The following UGT1A5 variants were observed in gnomAD, a reference collection of about 807,000 sequenced individuals.
The protein encoded by UGT1A5 is UDP glucuronosyltransferase family 1 member A5.
UGT1A5 carries 29 observed loss-of-function variants against 40.3 expected under a neutral mutation model. That is an observed-to-expected ratio of 0.72 (90% CI 0.54 to 0.98). UGT1A5 has a LOEUF of 0.98. UGT1A5 is among the 50% of genes least tolerant of loss of function. The probability of loss-of-function intolerance (pLI) is 0.00; values close to 1 mark genes in which losing one functional copy is unlikely to be tolerated. For synonymous variants in UGT1A5, 257 were observed against 262.5 expected, an observed-to-expected ratio of 0.98 and a Z score of 0.20; for missense variants, 678 against 677.9, an observed-to-expected ratio of 1.00 and a Z score of 0.00.
intron 1 of UGT1A5, among the ~76,000 whole-genome samples, chr2:233,766,177 G>A (rs937937765): frequency 5.3e-5 from 8 of 152,156 alleles, no homozygotes; most frequent in African/African-American, 1.9e-4. Context: ...AGGATTTATT[G>A]AGTGGATGTA....
Position 233,719,112 on chromosome 2 carries a change from C to T in UGT1A5, c.867+5254C>T, listed in dbSNP as rs201323245. On this transcript the variant is annotated intron_variant, in intron 1 of 4. Transcript: ENST00000373414. ...TGATCGCGTTACGCTGGGCTACACT[C>T]AAGGGTTCTTTGAAACAGAACATCT... 6.5e-5 allele frequency: 105 copies of T among 1,614,240 alleles called. 2 individuals are homozygous for T. The East Asian group carries it at 1.8e-3, about 28-fold the overall frequency.
Position 233,712,908 on chromosome 2 carries a change from G to A in UGT1A5, c.-84G>A. ...ACATGTTGATTTGCTAGGTGTCTCA[G>A]TGACAAGGTAATTAAGACGAAGGAA... On this transcript the variant is annotated 5_prime_UTR_variant, in exon 1 of 5. It adds an upstream start codon to the 5' untranslated region. Transcript: ENST00000373414. The A allele has an allele frequency of 2.5e-6, 4 of 1,610,644 alleles. No homozygotes were observed. Among genetic ancestry groups the A allele is most frequent in the Non-Finnish European group, 3.4e-6 (4 of 1,179,332 alleles).
chr2:233,751,722 ACTCTTC>A (rs1694794722), intron 1 of UGT1A5, among the ~76,000 whole-genome samples: 1 of 150,748 alleles, frequency 6.6e-6, no homozygotes, highest in African/African-American at 2.4e-5. Context: ...TCACAAGTGA[ACTCTTC>A]CTCTCTGTTT....
intron 1 of UGT1A5, among the ~76,000 whole-genome samples, chr2:233,737,236 T>A (rs2078854689): frequency 6.6e-6 from 1 of 152,226 alleles, no homozygotes; most frequent in Non-Finnish European, 1.5e-5. Flanking sequence ...CTGGATGCTT[T>A]GTTTACCTAC....
rs2077300002 is a variant in UGT1A5 at position 233,724,705 on chromosome 2, G to T, written c.867+10847G>T. On this transcript the variant is annotated intron_variant, in intron 1 of 4. Transcript: ENST00000373414. The stretch of plus-strand genomic sequence containing the variant: ...TGGCGGCCGGGTGAAGACGCTCCTC[G>T]CTTTCCAGACTGGGCAGCCAGGCAG... 1.4e-5 allele frequency among the ~76,000 whole-genome samples: 2 copies of T among 143,500 alleles called. 1 individual carries two copies. Among genetic ancestry groups the T allele is most frequent in the South Asian group, 5.0e-4 (2 of 3,986 alleles). 94.1% of individuals were successfully genotyped at this position (143,500 alleles called of 152,430 possible).
chr2:233,733,086 T>G (rs2078354195), intron 1 of UGT1A5, among the ~76,000 whole-genome samples: 1 of 152,184 alleles, frequency 6.6e-6, no homozygotes, highest in Admixed American at 6.5e-5. Flanking sequence ...TGAATGGGAG[T>G]TCACTCATGG....
At chr2:233,730,901 C>A (rs2078088163) in intron 1 of UGT1A5, among the ~76,000 whole-genome samples, 1 of 152,116 alleles carries the variant, frequency 6.6e-6, no homozygotes, top group Non-Finnish European at 1.5e-5. Flanking sequence ...TACTCCTTTA[C>A]CAAAAATTTC....
chr2:233,737,526 G>A (rs574961545), intron 1 of UGT1A5, among the ~76,000 whole-genome samples: 8 of 152,286 alleles, frequency 5.3e-5, no homozygotes, highest in East Asian at 3.9e-4. Context: ...GTGAGGCGAC[G>A]CCCTGCCCTG....
At chr2:233,719,554 T>C in intron 1 of UGT1A5, 1 of 1,613,912 alleles carries the variant, frequency 6.2e-7, no homozygotes. Context: ...GAGGTGTCAG[T>C]GGTGGATCTT....
intron 1 of UGT1A5, among the ~76,000 whole-genome samples, chr2:233,724,578 C>T (rs1404328313): frequency 0.029 from 3,589 of 123,690 alleles, 110 homozygotes; most frequent in African/African-American, 0.043. Context: ...GGGGCAGAGG[C>T]GCTCCCCACA....
At chr2:233,746,235 C>T (rs565676121) in intron 1 of UGT1A5, among the ~76,000 whole-genome samples, 3 of 151,598 alleles carry the variant, frequency 2.0e-5, no homozygotes, top group Non-Finnish European at 4.4e-5. Flanking sequence ...ATGCAAACTG[C>T]TAAAAGATAC....
In UGT1A5 at chr2:233,772,937, T is replaced by C; in HGVS notation, c.*378T>C. 1 of 341,386 alleles carries C rather than the reference T, an allele frequency of 2.9e-6. No homozygotes were observed. The highest frequency in any genetic ancestry group is 5.4e-6 in the Non-Finnish European group (1 of 186,324). 21.1% of individuals were successfully genotyped at this position (341,386 alleles called of 1,614,324 possible). A position where few individuals can be genotyped will look rare whatever the true frequency, so the allele number is the denominator to read the frequency against. ...CAAATGGCAGTTTTAATCTTATCTT[T>C]TGGCTTCTGCAGATGGTTGCAATTG... On this transcript the variant is annotated 3_prime_UTR_variant, in exon 5 of 5. Coordinates refer to ENST00000373414, the MANE Select transcript of UGT1A5 (RefSeq NM_019078.2).
intron 1 of UGT1A5, chr2:233,741,005 T>G (rs1691537974): frequency 6.6e-6 from 1 of 151,828 alleles, no homozygotes; most frequent in African/African-American, 2.4e-5. Context: ...AAGGATCACT[T>G]GAGCCCAGGA....
Position 233,769,437 on chromosome 2 carries a change from G to T in UGT1A5, c.1307+998G>T. On this transcript the variant is annotated intron_variant, in intron 4 of 4. Transcript: ENST00000373414. The surrounding 1 kb of genome is among the most constrained non-coding windows in gnomAD (Gnocchi z 4.4). ...TTTGTGCATGTGGCTGTGCTCATGT[G>T]TGGGTGCACACGTGTGCATTCATAT... 1 of 1,560,038 alleles carries T rather than the reference G, an allele frequency of 6.4e-7. No homozygotes were observed. Among genetic ancestry groups the T allele is most frequent in the Non-Finnish European group, 8.8e-7 (1 of 1,136,330 alleles).
At chr2:233,744,050 T>G in intron 1 of UGT1A5, 1 of 675,568 alleles carries the variant, frequency 1.5e-6, no homozygotes, top group Non-Finnish European at 2.1e-6. Flanking sequence ...CCACATCTCA[T>G]TGGTCGAGGC....
In UGT1A5 at chr2:233,769,577, T is replaced by C. The variant is rs780547888; in HGVS notation, c.1307+1138T>C. 1 of 1,612,862 alleles carries C rather than the reference T, an allele frequency of 6.2e-7. No homozygotes were observed. The highest frequency in any genetic ancestry group is 1.1e-5 in the South Asian group (1 of 91,064). ...ACAGATGTGAAGAGCTGGAGCATGTTCAGATGAGAGGAGACGGAACACGGG... is the reference window on the plus strand; with the variant it reads ...ACAGATGTGAAGAGCTGGAGCATGTCCAGATGAGAGGAGACGGAACACGGG... On this transcript the variant is annotated intron_variant, in intron 4 of 4. Transcript: ENST00000373414. The surrounding 1 kb of genome is among the most constrained non-coding windows in gnomAD (Gnocchi z 4.4).
At chr2:233,730,488 G>C (rs181516968) in intron 1 of UGT1A5, among the ~76,000 whole-genome samples, 1 of 152,300 alleles carries the variant, frequency 6.6e-6, no homozygotes, top group East Asian at 1.9e-4. Flanking sequence ...ACATGAAATA[G>C]AAGTGTCAGA....
Position 233,722,378 on chromosome 2 carries a change from G to A in UGT1A5, c.867+8520G>A, listed in dbSNP as rs140434446. Among the ~76,000 whole-genome samples, 1,163 of 152,214 alleles carry A rather than the reference G, an allele frequency of 7.6e-3. 5 individuals are homozygous for A. The highest frequency in any genetic ancestry group is 8.8e-3 in the Non-Finnish European group (598 of 68,014). On this transcript the variant is annotated intron_variant, in intron 1 of 4. Coordinates refer to ENST00000373414, the MANE Select transcript of UGT1A5 (RefSeq NM_019078.2). ...TACAAGACTAAAGTTGAAATCTTACGTTTCTTCTCCCTCTCTTTCTCCTTG... is the reference window on the plus strand; with the variant it reads ...TACAAGACTAAAGTTGAAATCTTACATTTCTTCTCCCTCTCTTTCTCCTTG...
At chr2:233,718,068 T>A in intron 1 of UGT1A5, 1 of 348,348 alleles carries the variant, frequency 2.9e-6, no homozygotes, top group Admixed American at 3.7e-5. Flanking sequence ...CGTGGGTCCT[T>A]GCTAGGGTTG....
Sources: gnomAD v4.1 joint callset for allele counts (sites outside exome capture counted in the v4.1 genomes callset) on GRCh38, gnomAD v4.1.1 for gene constraint, Gnocchi (gnomAD v3.1) non-coding constraint, MANE v1.5 for transcripts, NCBI Gene and HGNC (gene_info 2026-07-23, HGNC 2026-07-21) for gene names.